The following SHISA9 variants were observed in gnomAD, a reference collection of about 807,000 sequenced individuals.
SHISA9 encodes the protein protein shisa-9.
A neutral mutation model predicts 38.0 loss-of-function variants in SHISA9; 13 were observed. The observed-to-expected ratio is 0.34, with a 90% CI of 0.22 to 0.54. The LOEUF is 0.54. Among genes scored for constraint, SHISA9 ranks in the 20% least tolerant of loss-of-function variants. The probability of loss-of-function intolerance (pLI) is 0.91; values close to 1 mark genes in which losing one functional copy is unlikely to be tolerated. For synonymous variants in SHISA9, 275 were observed against 242.0 expected, an observed-to-expected ratio of 1.14 and a Z score of -1.27; for missense variants, 538 against 575.8, an observed-to-expected ratio of 0.93 and a Z score of 0.67.
chr16:13,424,529 A>G, the SHISA9 span, among the ~76,000 whole-genome samples: 1 of 152,252 alleles, frequency 6.6e-6, no homozygotes, highest in East Asian at 1.9e-4. Context: ...CAAAACAGGG[A>G]AAAATGAAAT....
At chr16:12,952,869 T>C (rs1011130237) in intron 2 of SHISA9, among the ~76,000 whole-genome samples, 1 of 152,092 alleles carries the variant, frequency 6.6e-6, no homozygotes, top group Non-Finnish European at 1.5e-5. Flanking sequence ...GAACAACTAA[T>C]ACATTGTCCT....
At chr16:13,155,025 A>G (rs1003430700) in intron 2 of SHISA9, among the ~76,000 whole-genome samples, 5 of 152,234 alleles carry the variant, frequency 3.3e-5, no homozygotes, top group African/African-American at 4.8e-5. Context: ...AGTTATTGGC[A>G]TAGGTTAAAA....
At chr16:13,224,302 G>T (rs1477524698) in intron 4 of SHISA9, among the ~76,000 whole-genome samples, 1 of 152,196 alleles carries the variant, frequency 6.6e-6, no homozygotes, top group Non-Finnish European at 1.5e-5. Flanking sequence ...AGCTAGGTCT[G>T]CTAAAGAGTA....
chr16:12,967,335 C>T (rs1286252372), intron 2 of SHISA9, among the ~76,000 whole-genome samples: 1 of 152,098 alleles, frequency 6.6e-6, no homozygotes, highest in Middle Eastern at 3.2e-3. Context: ...CGCATGTTCT[C>T]ACTCATAGGT....
intron 2 of SHISA9, among the ~76,000 whole-genome samples, chr16:13,024,488 G>C (rs959431433): frequency 6.6e-6 from 1 of 152,188 alleles, no homozygotes; most frequent in Non-Finnish European, 1.5e-5. Context: ...TTGGCACTGT[G>C]GGGGAGCCAG....
chr16:12,976,393 A>G (rs1243934018), intron 2 of SHISA9, among the ~76,000 whole-genome samples: 4 of 151,686 alleles, frequency 2.6e-5, no homozygotes, highest in African/African-American at 9.7e-5. Flanking sequence ...GCCTGGCCAA[A>G]CTCGTTAATT....
chr16:13,504,138 T>A, the SHISA9 span, among the ~76,000 whole-genome samples: 1 of 152,318 alleles, frequency 6.6e-6, no homozygotes, highest in East Asian at 1.9e-4. Flanking sequence ...TACTAGTTAG[T>A]TTCCTGATTT....
the SHISA9 span, among the ~76,000 whole-genome samples, chr16:13,502,470 C>G: frequency 6.6e-6 from 1 of 152,150 alleles, no homozygotes; most frequent in Non-Finnish European, 1.5e-5. Flanking sequence ...ATTTATTCAA[C>G]AAATATATTT....
chr16:13,380,758 G>T, the SHISA9 span, among the ~76,000 whole-genome samples: 1 of 152,084 alleles, frequency 6.6e-6, no homozygotes, highest in Non-Finnish European at 1.5e-5. Context: ...TGCCCTGGTT[G>T]TTTGCTGCAC....
chr16:13,426,033 CTTCCCCT>C, the SHISA9 span, among the ~76,000 whole-genome samples: 57 of 152,328 alleles, frequency 3.7e-4, no homozygotes, highest in Middle Eastern at 3.4e-3. Flanking sequence ...GAACAGTTAT[CTTCCCCT>C]TTCTGAGCCC....
intron 2 of SHISA9, among the ~76,000 whole-genome samples, chr16:13,054,560 C>T (rs1409686425): frequency 1.3e-5 from 2 of 152,138 alleles, no homozygotes; most frequent in African/African-American, 4.8e-5. Context: ...TTATAATCTC[C>T]TTTTAAACAT....
the SHISA9 span, among the ~76,000 whole-genome samples, chr16:13,514,499 A>T: frequency 6.6e-6 from 1 of 152,184 alleles, no homozygotes; most frequent in African/African-American, 2.4e-5. Context: ...CAAGTTGACT[A>T]CATTAAGTAG....
intron 2 of SHISA9, among the ~76,000 whole-genome samples, chr16:13,148,895 C>T (rs535831732): frequency 3.3e-5 from 5 of 152,178 alleles, no homozygotes; most frequent in Middle Eastern, 3.4e-3. Context: ...TTAGCTCCCC[C>T]GAGGTTAAAT....
chr16:13,000,157 G>A (rs771273238), intron 2 of SHISA9, among the ~76,000 whole-genome samples: 4 of 151,734 alleles, frequency 2.6e-5, no homozygotes, highest in Admixed American at 1.3e-4. Flanking sequence ...GGAGTCAGAC[G>A]TCCCTGAAAC....
chr16:13,447,163 C>T, the SHISA9 span, among the ~76,000 whole-genome samples: 1 of 152,074 alleles, frequency 6.6e-6, no homozygotes, highest in Non-Finnish European at 1.5e-5. Flanking sequence ...AGAATGTTCA[C>T]CCAGAAGCTG....
Position 13,129,121 on chromosome 16 carries a change from G to A in SHISA9, c.692-74273G>A, listed in dbSNP as rs534356492. On this transcript the variant is annotated intron_variant, in intron 2 of 4. Transcript: ENST00000558583. ...CAGACATTGTTCTAGAAAGAAGAGT[G>A]AATAAGAAGACAGAGTTATTGTCTT... Among the ~76,000 whole-genome samples the A allele has an allele frequency of 3.5e-4, 53 of 152,286 alleles. No homozygotes were observed. In the South Asian group the frequency reaches 0.01, roughly 30 times the overall value.
intron 2 of SHISA9, among the ~76,000 whole-genome samples, chr16:13,049,913 GT>G (rs915799604): frequency 3.9e-5 from 6 of 152,016 alleles, no homozygotes; most frequent in African/African-American, 1.5e-4. Flanking sequence ...TTTTCCGTTT[GT>G]TTTGTCATTT....
intron 2 of SHISA9, among the ~76,000 whole-genome samples, chr16:12,989,321 G>T (rs2072353985): frequency 6.6e-6 from 1 of 151,942 alleles, no homozygotes; most frequent in African/African-American, 2.4e-5. Context: ...GGGATTACAG[G>T]TGTGCACCAC....
intron 2 of SHISA9, among the ~76,000 whole-genome samples, chr16:13,107,547 C>A (rs1377775545): frequency 6.7e-6 from 1 of 150,294 alleles, no homozygotes; most frequent in African/African-American, 2.5e-5. Context: ...TAGCAAAGAT[C>A]AAATAATTAG....
Sources: gnomAD v4.1 joint callset for allele counts (sites outside exome capture counted in the v4.1 genomes callset) on GRCh38, gnomAD v4.1.1 for gene constraint, MANE v1.5 for transcripts, NCBI Gene and HGNC (gene_info 2026-07-23, HGNC 2026-07-21) for gene names.